The following GABBR2 variants were observed in gnomAD, a reference collection of about 807,000 sequenced individuals.
GABBR2 encodes gamma-aminobutyric acid type B receptor subunit 2.
In GABBR2, 23 loss-of-function variants were observed where a neutral mutation model predicts 105.6. The ratio of observed to expected loss-of-function variants is 0.22; its 90% confidence interval spans 0.16 to 0.31. The LOEUF (loss-of-function observed/expected upper bound fraction) is 0.31, where lower values mean the gene tolerates loss of function less well. Ranked by LOEUF, GABBR2 falls within the 10% of genes least tolerant of loss-of-function variation. GABBR2 has a pLI of 1.00. For synonymous variants in GABBR2, 478 were observed against 499.7 expected, an observed-to-expected ratio of 0.96 and a Z score of 0.58; for missense variants, 734 against 1,245.5, an observed-to-expected ratio of 0.59 and a Z score of 6.18.
intron 4 of GABBR2, among the ~76,000 whole-genome samples, chr9:98,491,050 TCC>T (rs1827165986): frequency 6.6e-6 from 1 of 152,098 alleles, no homozygotes; most frequent in Non-Finnish European, 1.5e-5. Flanking sequence ...ATGTTATGCC[TCC>T]CAATGCTATT....
At chr9:98,538,220 T>C (rs565213722) in intron 3 of GABBR2, among the ~76,000 whole-genome samples, 1 of 152,182 alleles carries the variant, frequency 6.6e-6, no homozygotes, top group African/African-American at 2.4e-5. Flanking sequence ...GAAAAGTGGA[T>C]CTCTATGAGG....
intron 4 of GABBR2, among the ~76,000 whole-genome samples, chr9:98,493,009 T>C (rs1827210194): frequency 6.6e-6 from 1 of 152,242 alleles, no homozygotes; most frequent in Non-Finnish European, 1.5e-5. Context: ...GAAGTATCTA[T>C]GTAAGTTATT....
intron 7 of GABBR2, among the ~76,000 whole-genome samples, chr9:98,419,865 C>G (rs544569492): frequency 1.3e-5 from 2 of 152,088 alleles, no homozygotes; most frequent in Non-Finnish European, 2.9e-5. Context: ...GTCCAATTCC[C>G]GAGTGAATTC....
intron 3 of GABBR2, among the ~76,000 whole-genome samples, chr9:98,512,195 C>A (rs990990891): frequency 7.3e-6 from 1 of 136,902 alleles, no homozygotes; most frequent in Non-Finnish European, 1.6e-5. Context: ...AGGCCTTTGA[C>A]AAAATTCAAC....
In GABBR2 at chr9:98,697,189, G is replaced by A. The variant is rs1830763736; in HGVS notation, c.321+11228C>T. ...GCTCTCTAAGCCTCATCTGTAAAATGCAGACAATAAGAGCAAGGACCGCCG... is the reference window on the plus strand; with the variant it reads ...GCTCTCTAAGCCTCATCTGTAAAATACAGACAATAAGAGCAAGGACCGCCG... On this transcript the variant is annotated intron_variant, in intron 1 of 18. Coordinates refer to ENST00000259455, the MANE Select transcript of GABBR2 (RefSeq NM_005458.8). 2.0e-5 allele frequency among the ~76,000 whole-genome samples: 3 copies of A among 152,090 alleles called. No individual in the cohort carries two copies. In the South Asian group the frequency reaches 6.2e-4, roughly 32 times the overall value.
chr9:98,575,315 T>A (rs1429006248), intron 2 of GABBR2, among the ~76,000 whole-genome samples: 2 of 151,998 alleles, frequency 1.3e-5, no homozygotes, highest in African/African-American at 2.4e-5. Context: ...ATAGGAAGAA[T>A]GGGATGTTTT....
chr9:98,546,770 G>A (rs1331668357), intron 2 of GABBR2, among the ~76,000 whole-genome samples: 1 of 58,798 alleles, frequency 1.7e-5, no homozygotes, highest in Admixed American at 2.3e-4. Flanking sequence ...CATCTCATTG[G>A]CCATCTCTTC....
intron 1 of GABBR2, among the ~76,000 whole-genome samples, chr9:98,664,265 C>A (rs1157223534): frequency 6.6e-6 from 1 of 152,174 alleles, no homozygotes; most frequent in Non-Finnish European, 1.5e-5. Context: ...GGCACAAAGA[C>A]CTAAGAATAA....
At chr9:98,697,656 T>G (rs1830774425) in intron 1 of GABBR2, among the ~76,000 whole-genome samples, 1 of 152,234 alleles carries the variant, frequency 6.6e-6, no homozygotes, top group African/African-American at 2.4e-5. Context: ...CAACTAAATG[T>G]TCCTATTTCC....
chr9:98,429,985 C>A (rs1448325566), intron 7 of GABBR2, among the ~76,000 whole-genome samples: 1 of 152,042 alleles, frequency 6.6e-6, no homozygotes, highest in African/African-American at 2.4e-5. Context: ...TGGGTGTTAG[C>A]TTTTAAAAAT....
At position 98,438,099 on chromosome 9, in the gene GABBR2, TCC is replaced by T. The variant is rs1825960664; in HGVS notation, c.1236+15880_1236+15881del. On this transcript the variant is annotated intron_variant, in intron 7 of 18. Coordinates refer to ENST00000259455, the MANE Select transcript of GABBR2 (RefSeq NM_005458.8). ...GTCCACACATCTATCCATCCATCCA[TCC>T]ATCCATCCACCCATTTATCCATCCA... Among the ~76,000 whole-genome samples the T allele has an allele frequency of 2.0e-5, 3 of 150,206 alleles. No individual in the cohort carries two copies. In the South Asian group the frequency reaches 6.3e-4, roughly 32 times the overall value.
chr9:98,427,639 G>C (rs1825721921), intron 7 of GABBR2, among the ~76,000 whole-genome samples: 1 of 152,202 alleles, frequency 6.6e-6, no homozygotes, highest in Non-Finnish European at 1.5e-5. Context: ...CTAGAGAAAT[G>C]GCAGTGTGTA....
intron 2 of GABBR2, among the ~76,000 whole-genome samples, chr9:98,568,381 G>A (rs1050222242): frequency 2.6e-5 from 4 of 152,202 alleles, no homozygotes; most frequent in South Asian, 2.1e-4. Context: ...GACACATGGC[G>A]TAACATGCCC....
intron 1 of GABBR2, among the ~76,000 whole-genome samples, chr9:98,636,861 C>A (rs1829884705): frequency 1.3e-5 from 2 of 152,146 alleles, no homozygotes. Flanking sequence ...TCTCCCAACC[C>A]ACACTAAAAT....
intron 9 of GABBR2, among the ~76,000 whole-genome samples, chr9:98,392,330 C>T (rs1247296582): frequency 1.3e-5 from 2 of 152,206 alleles, no homozygotes; most frequent in Non-Finnish European, 2.9e-5. Flanking sequence ...TTCGTAAACC[C>T]AGAGTCCTTG....
intron 11 of GABBR2, among the ~76,000 whole-genome samples, chr9:98,376,381 G>C (rs1351025709): frequency 6.6e-6 from 1 of 152,224 alleles, no homozygotes; most frequent in Non-Finnish European, 1.5e-5. Context: ...GTGGGCTTCA[G>C]GCCAGCAAGT....
intron 1 of GABBR2, among the ~76,000 whole-genome samples, chr9:98,673,238 C>T (rs2131862812): frequency 6.6e-6 from 1 of 152,166 alleles, no homozygotes; most frequent in Admixed American, 6.5e-5. Flanking sequence ...TATAGAGAGG[C>T]AAAAGGAATA....
At chr9:98,679,246 T>C (rs1830510593) in intron 1 of GABBR2, among the ~76,000 whole-genome samples, 1 of 152,210 alleles carries the variant, frequency 6.6e-6, no homozygotes, top group Non-Finnish European at 1.5e-5. Flanking sequence ...GGCAGAAGTA[T>C]TGCTACTTGC....
intron 1 of GABBR2, among the ~76,000 whole-genome samples, chr9:98,686,935 C>T (rs1050139371): frequency 2.0e-5 from 3 of 151,930 alleles, no homozygotes; most frequent in African/African-American, 7.3e-5. Context: ...GAGCCCAGAC[C>T]ACCCTCCCTC....
Sources: allele counts gnomAD v4.1 joint callset (sites outside exome capture counted in the v4.1 genomes callset), GRCh38; gene constraint gnomAD v4.1.1; transcripts MANE v1.5; gene names NCBI Gene and HGNC (gene_info 2026-07-23, HGNC 2026-07-21).